The following CTDSPL2 variants were observed in gnomAD, a reference collection of about 807,000 sequenced individuals.
CTDSPL2 encodes the protein CTD small phosphatase-like protein 2.
A neutral mutation model predicts 60.0 loss-of-function variants in CTDSPL2; 5 were observed. The ratio of observed to expected loss-of-function variants is 0.08; its 90% CI spans 0.04 to 0.18. The LOEUF is 0.18. Among genes scored for constraint, CTDSPL2 ranks in the 10% least tolerant of loss-of-function variants. CTDSPL2 has a pLI of 1.00. For missense variants in CTDSPL2, 370 were observed against 548.8 expected (o/e 0.67, Z 3.26); for synonymous variants, 186 against 189.3 (o/e 0.98, Z 0.14).
chr15:44,476,969 A>T (rs554044681), intron 2 of CTDSPL2, among the ~76,000 whole-genome samples: 1 of 152,234 alleles, frequency 6.6e-6, no homozygotes, highest in South Asian at 2.1e-4. Flanking sequence ...TATGCCTTTA[A>T]TCCTAGGACT....
intron 4 of CTDSPL2, among the ~76,000 whole-genome samples, 188 bp from the exon 5 acceptor site, chr15:44,490,596 C>G (rs930358428): frequency 2.0e-5 from 3 of 152,184 alleles, no homozygotes; most frequent in Admixed American, 6.5e-5. Flanking sequence ...AAATGTTACT[C>G]TAGCCTGTAA....
intron 2 of CTDSPL2, among the ~76,000 whole-genome samples, chr15:44,483,495 A>G: frequency 6.6e-6 from 1 of 151,874 alleles, no homozygotes; most frequent in Non-Finnish European, 1.5e-5. Context: ...CCAAGATCAC[A>G]CCACTGCACC....
At chr15:44,461,400 T>A (rs1002634720) in intron 2 of CTDSPL2, among the ~76,000 whole-genome samples, 1 of 151,720 alleles carries the variant, frequency 6.6e-6, no homozygotes, top group Admixed American at 6.6e-5. Context: ...GTATTCTAAT[T>A]TTTTTTTAGA....
chr15:44,519,128 A>G (rs542770039), intron 10 of CTDSPL2, 41 bp from the exon 11 acceptor site: 13 of 1,338,274 alleles, frequency 9.7e-6, no homozygotes, highest in Non-Finnish European at 1.3e-5. Flanking sequence ...TACTTTTTAG[A>G]AAGTTTTTTT....
chr15:44,489,324 G>T (rs1326945304), intron 4 of CTDSPL2, among the ~76,000 whole-genome samples: 1 of 152,102 alleles, frequency 6.6e-6, no homozygotes, highest in African/African-American at 2.4e-5. Context: ...AGGAATGAGG[G>T]ATCAAGGATA....
intron 1 of CTDSPL2, among the ~76,000 whole-genome samples, chr15:44,445,612 C>T (rs1005286504): frequency 6.6e-6 from 1 of 151,734 alleles, no homozygotes; most frequent in African/African-American, 2.4e-5. Context: ...GAGCTCATAC[C>T]AGCCAATTTG....
At chr15:44,431,995 A>G (rs2079870460) in intron 1 of CTDSPL2, among the ~76,000 whole-genome samples, 1 of 151,946 alleles carries the variant, frequency 6.6e-6, no homozygotes, top group African/African-American at 2.4e-5. Flanking sequence ...AAGTGCTGGG[A>G]TTACAGGTGT....
intron 7 of CTDSPL2, 57 bp downstream of exon 7, chr15:44,497,195 A>G: frequency 1.0e-6 from 1 of 973,390 alleles, no homozygotes; most frequent in Non-Finnish European, 1.6e-6. Flanking sequence ...CTTTTTTAGA[A>G]TCATGCTTAT....
At chr15:44,494,286 G>A (rs2081262181) in intron 5 of CTDSPL2, among the ~76,000 whole-genome samples, 1 of 152,182 alleles carries the variant, frequency 6.6e-6, no homozygotes, top group African/African-American at 2.4e-5. Context: ...TCATTTTTAA[G>A]TGTTTATAAA....
chr15:44,451,544 C>T (rs933765130), intron 1 of CTDSPL2, among the ~76,000 whole-genome samples: 1 of 152,152 alleles, frequency 6.6e-6, no homozygotes, highest in Non-Finnish European at 1.5e-5. Context: ...ATATCTCTCA[C>T]TGGATTGTTG....
intron 1 of CTDSPL2, among the ~76,000 whole-genome samples, chr15:44,451,573 AAT>A (rs1241537612): frequency 6.6e-6 from 1 of 152,226 alleles, no homozygotes; most frequent in African/African-American, 2.4e-5. Flanking sequence ...GCACATGATT[AAT>A]ATGTTTTCAC....
intron 2 of CTDSPL2, among the ~76,000 whole-genome samples, chr15:44,463,996 C>A (rs1054326934): frequency 6.6e-6 from 1 of 152,046 alleles, no homozygotes; most frequent in African/African-American, 2.4e-5. Flanking sequence ...ACAGTGAAGA[C>A]CAATACGACA....
At chr15:44,513,679 G>C (rs916441359) in intron 8 of CTDSPL2, among the ~76,000 whole-genome samples, 2 of 152,152 alleles carry the variant, frequency 1.3e-5, no homozygotes, top group Admixed American at 1.3e-4. Flanking sequence ...CGTGAATCTA[G>C]TTCAATAAAT....
chr15:44,496,501 T>C (rs1595759426), intron 6 of CTDSPL2, 43 bp downstream of exon 6: 2 of 1,419,008 alleles, frequency 1.4e-6, no homozygotes, highest in South Asian at 1.2e-5. Flanking sequence ...TTTTGGAGCA[T>C]GATGAGAGTA....
At chr15:44,495,101 A>G (rs2081276517) in intron 5 of CTDSPL2, among the ~76,000 whole-genome samples, 2 of 152,202 alleles carry the variant, frequency 1.3e-5, no homozygotes, top group South Asian at 4.1e-4. Context: ...CCTCCTGAAT[A>G]GCTGGGATTA....
chr15:44,515,923 T>TTCTC (rs201686795), intron 10 of CTDSPL2, among the ~76,000 whole-genome samples: 1 of 151,378 alleles, frequency 6.6e-6, no homozygotes, highest in Non-Finnish European at 1.5e-5. Context: ...CGTTCGTTCT[T>TTCTC]TCTCTCTCTC....
intron 3 of CTDSPL2, among the ~76,000 whole-genome samples, chr15:44,485,276 G>A (rs960168822): frequency 6.6e-6 from 1 of 152,180 alleles, no homozygotes; most frequent in Non-Finnish European, 1.5e-5. Context: ...TTGTTGCATA[G>A]CAGAGAAACT....
chr15:44,506,930 C>G lies in CTDSPL2; in HGVS notation c.969+7117C>G, dbSNP rs546778852. Among the ~76,000 whole-genome samples, 8 of 151,890 alleles carry G rather than the reference C, an allele frequency of 5.3e-5. No individual in the cohort carries two copies. In the East Asian group the frequency reaches 1.4e-3, roughly 26 times the overall value. ...TACAGGCGCCTGCCACTACACCCGGCTAATTTTTTTGTATTTTTAGTAGAG... is the reference window on the plus strand; with the variant it reads ...TACAGGCGCCTGCCACTACACCCGGGTAATTTTTTTGTATTTTTAGTAGAG... On this transcript the variant is annotated intron_variant, in intron 8 of 12. Coordinates refer to ENST00000260327, the MANE Select transcript of CTDSPL2 (RefSeq NM_016396.3).
intron 1 of CTDSPL2, among the ~76,000 whole-genome samples, chr15:44,428,526 A>G (rs931868683): frequency 2.6e-5 from 4 of 152,230 alleles, no homozygotes; most frequent in Non-Finnish European, 5.9e-5. Flanking sequence ...TGGTGGCTGG[A>G]TGTGTGAATG....
Sources: allele counts gnomAD v4.1 joint callset (sites outside exome capture counted in the v4.1 genomes callset), GRCh38; gene constraint gnomAD v4.1.1; transcripts MANE v1.5; gene names NCBI Gene and HGNC (gene_info 2026-07-23, HGNC 2026-07-21).